AGBL5: variants seen among roughly 807,000 people sequenced by gnomAD.
AGBL5 encodes the protein cytosolic carboxypeptidase-like protein 5.
Under a neutral mutation model 88.0 loss-of-function variants are expected in AGBL5, and 51 were observed. That is an observed-to-expected ratio of 0.58 (90% confidence interval 0.46 to 0.73). AGBL5 has a LOEUF of 0.73. AGBL5 is among the 30% of genes least tolerant of loss of function. The probability of loss-of-function intolerance (pLI) is 0.00; values close to 1 mark genes in which losing one functional copy is unlikely to be tolerated. For missense variants in AGBL5, 1,031 were observed against 1,162.2 expected (o/e 0.89, Z 1.64); for synonymous variants, 446 against 438.8 (o/e 1.02, Z -0.21).
In AGBL5 at chr2:27,056,635, C is replaced by T; in HGVS notation, c.1378C>T (p.Leu460=). Residue 460 remains leucine (L), a synonymous_variant, in exon 8 of 15, where the codon CTA becomes TTA. Coordinates refer to ENST00000360131, the MANE Select transcript of AGBL5 (RefSeq NM_021831.6). ...SDESTQVENM[L]YPKLISLNSA... ...CTTCCCCAAACAGGTGGAAAACATG[C>T]TATATCCAAAGCTCATCTCCTTGAA... 1 of 1,604,546 alleles carries T rather than the reference C, an allele frequency of 6.2e-7. No individual in the cohort carries two copies. Among genetic ancestry groups the T allele is most frequent in the Non-Finnish European group, 8.5e-7 (1 of 1,173,276 alleles).
chr2:27,055,563 CAT>C, intron 6 of AGBL5, 117 bp from the exon 7 acceptor site: 1 of 970,066 alleles, frequency 1.0e-6, no homozygotes, highest in Non-Finnish European at 1.5e-6. Flanking sequence ...TCTTTCCTAA[CAT>C]AGCTTCAGCC....
At chr2:27,055,361 A>C in intron 6 of AGBL5, 108 bp downstream of exon 6, 1 of 1,412,936 alleles carries the variant, frequency 7.1e-7, no homozygotes, top group South Asian at 1.3e-5. Context: ...GTCCTCTTGC[A>C]CCCTAATAAA....
At chr2:27,056,878 C>A (rs752769352) in intron 8 of AGBL5, 86 bp downstream of exon 8, 3 of 1,410,872 alleles carry the variant, frequency 2.1e-6, no homozygotes, top group Non-Finnish European at 2.8e-6. Context: ...TGCTTGTAAT[C>A]CCAGCTACTG....
chr2:27,069,446 C>T, intron 13 of AGBL5, 127 bp from the exon 14 acceptor site: 1 of 1,515,984 alleles, frequency 6.6e-7, no homozygotes, highest in African/African-American at 1.4e-5. Context: ...AGCTAGAATT[C>T]AATGTCCCAG....
At chr2:27,052,679 G>A (rs1668218816) in intron 1 of AGBL5, 1 of 273,236 alleles carries the variant, frequency 3.7e-6, no homozygotes. Flanking sequence ...GAACAGCCAA[G>A]CTAAAGTAAA....
At chr2:27,061,459 A>G (rs1196153013) in intron 11 of AGBL5, among the ~76,000 whole-genome samples, 2 of 151,074 alleles carry the variant, frequency 1.3e-5, no homozygotes, top group East Asian at 3.9e-4. Context: ...CTGGTCTTGA[A>G]CTCCTGACCT....
chr2:27,058,112 AGG>A (rs1219597696), intron 9 of AGBL5, among the ~76,000 whole-genome samples: 10 of 152,112 alleles, frequency 6.6e-5, no homozygotes, highest in African/African-American at 2.2e-4. Flanking sequence ...AGGTTACAGA[AGG>A]GATTCAAACC....
At chr2:27,069,444 T>G in intron 13 of AGBL5, 129 bp from the exon 14 acceptor site, 1 of 1,515,870 alleles carries the variant, frequency 6.6e-7, no homozygotes, top group Non-Finnish European at 8.8e-7. Flanking sequence ...TCAGCTAGAA[T>G]TCAATGTCCC....
At chr2:27,056,931 G>A in intron 8 of AGBL5, 139 bp downstream of exon 8, 31 of 1,019,380 alleles carry the variant, frequency 3.0e-5, no homozygotes, top group Non-Finnish European at 3.9e-5. Context: ...GGGAGGCAGA[G>A]GTTGTGGCGA....
intron 12 of AGBL5, 193 bp downstream of exon 12, chr2:27,067,839 A>C: frequency 1.4e-6 from 1 of 696,242 alleles, no homozygotes. Flanking sequence ...GTTAACATTT[A>C]CTGAACATTT....
rs547170518 is a variant in AGBL5 at position 27,070,120 on chromosome 2, C to T, written c.2518C>T (p.Arg840Cys). 24 of 1,614,122 alleles carry T rather than the reference C, an allele frequency of 1.5e-5. No individual in the cohort carries two copies. The highest frequency in any genetic ancestry group is 1.7e-4 in the Middle Eastern group (1 of 6,058). The change falls in exon 15 of 15, where the codon CGC becomes TGC. Residue 840 changes from arginine (R) to cysteine (C), a missense_variant. Physicochemically the swap from Arg to Cys is radical, Grantham distance 180. Transcript: ENST00000360131. Reference sequence around the variant, plus strand: ...GCCTCAGGCCAGGCCCCCACGGCCCCGCTCTGCCCCTGCCTTTTCTCCTAT... The same window carrying T: ...GCCTCAGGCCAGGCCCCCACGGCCCTGCTCTGCCCCTGCCTTTTCTCCTAT... ...GLPQARPPRP[R>C]SAPAFSPISC...
chr2:27,070,452 C>T lies in AGBL5; in HGVS notation c.*189C>T, dbSNP rs1669232748. 1 of 568,684 alleles carries T rather than the reference C, an allele frequency of 1.8e-6. No homozygotes were observed. The allele number at this position is 568,684 out of a possible 1,614,324, so 35.2% of individuals were successfully genotyped here. On this transcript the variant is annotated 3_prime_UTR_variant, in exon 15 of 15. Transcript: ENST00000360131. The stretch of plus-strand genomic sequence containing the variant: ...CAAAACAGGGACCTGCCACCCCTTC[C>T]CTCCCTCCGCAGCACAAGATTTTGG...
chr2:27,054,537 G>GATTTT (rs1668331446), intron 4 of AGBL5, 93 bp from the exon 5 acceptor site: 14 of 1,270,034 alleles, frequency 1.1e-5, no homozygotes, highest in Admixed American at 2.1e-5. Context: ...TAGGGTGAAG[G>GATTTT]ACCAGATTTT....
In AGBL5 at chr2:27,055,153, C is replaced by A. The variant is rs766222932; in HGVS notation, c.808C>A (p.Leu270Ile). Residue 270 changes from leucine (L) to isoleucine (I), a missense_variant, in exon 6 of 15, where the codon CTC becomes ATC. Physicochemically the swap from Leu to Ile is conservative, Grantham distance 5. Transcript: ENST00000360131. ...CTTCAATGGCTTTCTGGACTTCATCCTCCGACCTGATGATCCCCGGGCCCA... is the reference window on the plus strand; with the variant it reads ...CTTCAATGGCTTTCTGGACTTCATCATCCGACCTGATGATCCCCGGGCCCA... The part of the protein sequence containing the change: ...FVFNGFLDFI[L>I]RPDDPRAQTL... The A allele has an allele frequency of 6.2e-7, 1 of 1,614,232 alleles. No homozygotes were observed. Among genetic ancestry groups the A allele is most frequent in the Non-Finnish European group, 8.5e-7 (1 of 1,180,030 alleles).
At position 27,056,722 on chromosome 2, in the gene AGBL5, C is replaced by T. The variant is rs1201571500; in HGVS notation, c.1465C>T (p.Arg489Cys). ...AGAGAAGAATATGTATGCCCGAGACCGTAGAGATGGCCAGTCTAAAGAGGG... is the reference window on the plus strand; with the variant it reads ...AGAGAAGAATATGTATGCCCGAGACTGTAGAGATGGCCAGTCTAAAGAGGG... Reference protein sequence around the residue: ...FSEKNMYARDRRDGQSKEGSG... With the variant: ...FSEKNMYARDCRDGQSKEGSG... Residue 489 changes from arginine to cysteine, a missense_variant, in exon 8 of 15, where the codon CGT becomes TGT. Physicochemically the swap from Arg to Cys is radical, Grantham distance 180. Around this residue, in one of 2 missense-constraint regions of AGBL5, gnomAD observed 540 missense variants for 678.2 expected, o/e 0.80. Transcript: ENST00000360131. 1 of 1,613,696 alleles carries T rather than the reference C, an allele frequency of 6.2e-7. No homozygotes were observed. The highest frequency in any genetic ancestry group is 1.1e-5 in the South Asian group (1 of 91,032).
At chr2:27,058,747 ATTAGT>A in intron 10 of AGBL5, 145 bp downstream of exon 10, 1 of 890,290 alleles carries the variant, frequency 1.1e-6, no homozygotes, top group Non-Finnish European at 1.7e-6. Context: ...AATTAGTCAG[ATTAGT>A]TTATTCTTTT....
At chr2:27,056,502 TGTTA>T in intron 7 of AGBL5, 117 bp from the exon 8 acceptor site, 1 of 866,044 alleles carries the variant, frequency 1.2e-6, no homozygotes, top group Non-Finnish European at 1.8e-6. Context: ...CACTGATTAC[TGTTA>T]ATGGTTGTGA....
chr2:27,064,461 G>A (rs2148296680), intron 11 of AGBL5, among the ~76,000 whole-genome samples: 1 of 151,648 alleles, frequency 6.6e-6, no homozygotes, highest in East Asian at 1.9e-4. Flanking sequence ...ACACCTGGCT[G>A]ATTTTTGTAT....
intron 4 of AGBL5, 133 bp from the exon 5 acceptor site, chr2:27,054,497 C>T: frequency 1.3e-6 from 1 of 799,120 alleles, no homozygotes; most frequent in Non-Finnish European, 2.0e-6. Flanking sequence ...CCTCATTTAA[C>T]ATTGTGAGGG....
Sources: gnomAD v4.1 joint callset for allele counts (sites outside exome capture counted in the v4.1 genomes callset) on GRCh38, gnomAD v4.1.1 for gene constraint, gnomAD v4.1.1 regional missense constraint, MANE v1.5 for transcripts, NCBI Gene and HGNC (gene_info 2026-07-23, HGNC 2026-07-21) for gene names.